The following RSPH1 variants were observed in gnomAD, a reference collection of about 807,000 sequenced individuals.
The protein encoded by RSPH1 is radial spoke head component 1, also known as radial spoke head 1 homolog.
RSPH1 carries 32 observed loss-of-function variants against 44.2 expected under a neutral mutation model. The observed-to-expected ratio is 0.72, with a 90% confidence interval of 0.55 to 0.97. The LOEUF (loss-of-function observed/expected upper bound fraction) is 0.97. Among genes scored for constraint, RSPH1 ranks in the 50% least tolerant of loss-of-function variants. The probability of loss-of-function intolerance (pLI) is 0.00; values close to 1 mark genes in which losing one functional copy is unlikely to be tolerated. For missense variants in RSPH1, 391 were observed against 398.7 expected (o/e 0.98, Z 0.16); for synonymous variants, 134 against 147.3 (o/e 0.91, Z 0.65).
chr21:42,485,556 G>T, intron 5 of RSPH1, 113 bp downstream of exon 5: 1 of 1,217,286 alleles, frequency 8.2e-7, no homozygotes, highest in Non-Finnish European at 1.2e-6. Flanking sequence ...ATTTGAATAG[G>T]CCGGACTCAG....
At chr21:42,483,689 C>G (rs1044043978) in intron 5 of RSPH1, among the ~76,000 whole-genome samples, 2 of 151,988 alleles carry the variant, frequency 1.3e-5, no homozygotes, top group African/African-American at 4.8e-5. Flanking sequence ...AAAGCTAAAC[C>G]TATTGGTTTT....
intron 8 of RSPH1, 89 bp downstream of exon 8, chr21:42,475,809 G>A: frequency 6.8e-7 from 1 of 1,469,214 alleles, no homozygotes; most frequent in East Asian, 2.3e-5. Context: ...CCCAGCTGAA[G>A]GCAGGCCTTG....
chr21:42,487,464 T>C (rs553251157), intron 3 of RSPH1, among the ~76,000 whole-genome samples: 8 of 152,354 alleles, frequency 5.3e-5, no homozygotes, highest in Non-Finnish European at 1.0e-4. Context: ...ATTCTCTCTA[T>C]AGAAAACATT....
intron 5 of RSPH1, among the ~76,000 whole-genome samples, chr21:42,483,954 G>A (rs1304124620): frequency 1.3e-5 from 2 of 152,048 alleles, no homozygotes; most frequent in African/African-American, 2.4e-5. Flanking sequence ...TTTATATACT[G>A]GGAACTGTCT....
intron 7 of RSPH1, among the ~76,000 whole-genome samples, 180 bp from the exon 8 acceptor site, chr21:42,476,227 C>G (rs2054048072): frequency 6.6e-6 from 1 of 152,090 alleles, no homozygotes; most frequent in South Asian, 2.1e-4. Context: ...GGGGAGCAGC[C>G]CAGTCCCCAC....
At chr21:42,491,457 G>C (rs1026097965) in intron 3 of RSPH1, among the ~76,000 whole-genome samples, 1 of 152,014 alleles carries the variant, frequency 6.6e-6, no homozygotes, top group Non-Finnish European at 1.5e-5. Context: ...ATATCTTCGT[G>C]TGTGTGTGTG....
At chr21:42,487,892 T>C (rs2054195894) in intron 3 of RSPH1, among the ~76,000 whole-genome samples, 2 of 152,332 alleles carry the variant, frequency 1.3e-5, no homozygotes, top group African/African-American at 4.8e-5. Flanking sequence ...ACCTACAATG[T>C]CCTGGGCACT....
intron 3 of RSPH1, among the ~76,000 whole-genome samples, chr21:42,488,762 G>A (rs1265591431): frequency 1.3e-5 from 2 of 152,138 alleles, no homozygotes; most frequent in Non-Finnish European, 2.9e-5. Context: ...AAATAGAGAA[G>A]GTAATTCAGA....
chr21:42,474,603 T>A lies in RSPH1; in HGVS notation c.877+1295A>T, dbSNP rs1156370711. Among the ~76,000 whole-genome samples, 1 of 152,240 alleles carries A rather than the reference T, an allele frequency of 6.6e-6. No homozygotes were observed. Among genetic ancestry groups the A allele is most frequent in the South Asian group, 2.1e-4 (1 of 4,836 alleles). On this transcript the variant is annotated intron_variant, in intron 8 of 8. Transcript: ENST00000291536. This position sits in a 1 kb window ranked among gnomAD's most constrained non-coding sequence, Gnocchi z 5.2. ...GTAACACTGTGCATACTCTAGCCAC[T>A]CAGTCCTAACAGAATCCTGTGGACT...
Position 42,492,930 on chromosome 21 carries a change from T to C in RSPH1, c.168+36A>G, listed in dbSNP as rs114507956. 2,540 of 1,598,800 alleles carry C rather than the reference T, an allele frequency of 1.6e-3. 47 individuals carry two copies. In the African/African-American group the frequency reaches 0.03, roughly 19 times the overall value. On this transcript the variant is annotated intron_variant, in intron 2 of 8. Transcript: ENST00000291536. ...TAGCATTTGCTAACAGAGTATTAAA[T>C]AGAGAAAACCATCCAGTCAAGTCAA...
intron 6 of RSPH1, among the ~76,000 whole-genome samples, chr21:42,480,178 T>C (rs1166605410): frequency 6.6e-6 from 1 of 152,092 alleles, no homozygotes; most frequent in Admixed American, 6.5e-5. Context: ...AGAGGGTGGC[T>C]GAGGTCAGGG....
At chr21:42,485,980 C>T in intron 4 of RSPH1, 176 bp from the exon 5 acceptor site, 2 of 755,850 alleles carry the variant, frequency 2.6e-6, no homozygotes, top group Non-Finnish European at 4.3e-6. Flanking sequence ...GCCCCAAGCA[C>T]AGGACATTGC....
chr21:42,494,769 G>A (rs371439509), intron 1 of RSPH1, among the ~76,000 whole-genome samples: 8 of 150,798 alleles, frequency 5.3e-5, no homozygotes, highest in East Asian at 3.9e-4. Context: ...GCGTGATCTC[G>A]GCTCACTGCA....
intron 5 of RSPH1, 79 bp from the exon 6 acceptor site, chr21:42,482,787 C>T (rs1249944550): frequency 6.7e-6 from 7 of 1,044,710 alleles, no homozygotes; most frequent in Non-Finnish European, 1.0e-5. Context: ...ACCACAATAC[C>T]CACCTCAAAT....
At chr21:42,495,113 C>G (rs1268315672) in intron 1 of RSPH1, among the ~76,000 whole-genome samples, 1 of 152,214 alleles carries the variant, frequency 6.6e-6, no homozygotes, top group Non-Finnish European at 1.5e-5. Context: ...CAGACTTGGC[C>G]TAATCCAACA....
In RSPH1 at chr21:42,475,886, C is replaced by G. The variant is rs1218408076; in HGVS notation, c.877+12G>C. 1 of 1,609,402 alleles carries G rather than the reference C, an allele frequency of 6.2e-7. No individual in the cohort carries two copies. Among genetic ancestry groups the G allele is most frequent in the South Asian group, 1.1e-5 (1 of 90,354 alleles). ...CGGGCCCTCGCCCCACTTCCCTGCG[C>G]AGGGACCTCACCCTCATCCATGTCA... On this transcript the variant is annotated intron_variant, in intron 8 of 8. Coordinates refer to ENST00000291536, the MANE Select transcript of RSPH1 (RefSeq NM_080860.4).
At chr21:42,480,697 T>G (rs929439897) in intron 6 of RSPH1, among the ~76,000 whole-genome samples, 1 of 142,520 alleles carries the variant, frequency 7.0e-6, no homozygotes, top group Non-Finnish European at 1.5e-5. Flanking sequence ...GAGCATTGAA[T>G]TGAAAAATTA....
intron 1 of RSPH1, among the ~76,000 whole-genome samples, chr21:42,495,490 G>C (rs1435543522): frequency 3.3e-5 from 5 of 152,196 alleles, no homozygotes; most frequent in African/African-American, 1.2e-4. Context: ...CTGGGTGATA[G>C]AAATATTCCC....
intron 3 of RSPH1, among the ~76,000 whole-genome samples, chr21:42,488,436 A>C (rs1311118829): frequency 6.6e-6 from 1 of 152,218 alleles, no homozygotes; most frequent in East Asian, 1.9e-4. Context: ...GTTCCAGCAC[A>C]GCCCTGGGGC....
Sources: gnomAD v4.1 joint callset for allele counts (sites outside exome capture counted in the v4.1 genomes callset) on GRCh38, gnomAD v4.1.1 for gene constraint, Gnocchi (gnomAD v3.1) non-coding constraint, MANE v1.5 for transcripts, NCBI Gene and HGNC (gene_info 2026-07-23, HGNC 2026-07-21) for gene names.